VCL: variants seen among roughly 807,000 people sequenced by gnomAD.
VCL encodes epididymis luminal protein 114.
In VCL, 47 loss-of-function variants were observed where a neutral mutation model predicts 125.7. The observed-to-expected ratio is 0.37, with a 90% CI of 0.30 to 0.48. VCL has a LOEUF of 0.48. Ranked by LOEUF, VCL falls within the 20% of genes least tolerant of loss-of-function variation. The pLI, the probability that VCL is intolerant of heterozygous loss-of-function variation, is 0.99. For missense variants in VCL, 1,069 were observed against 1,455.5 expected (o/e 0.73, Z 4.32); for synonymous variants, 458 against 514.6 (o/e 0.89, Z 1.49).
chr10:74,057,134 A>G (rs922765505), intron 2 of VCL, among the ~76,000 whole-genome samples: 2 of 151,980 alleles, frequency 1.3e-5, no homozygotes, highest in Non-Finnish European at 2.9e-5. Context: ...TCGTAGAGAT[A>G]GGGTCTCGCT....
Position 74,118,013 on chromosome 10 carries a change from T to C in VCL, c.3259-10T>C, listed in dbSNP as rs1337545270. ...ACCCTGGGTAACGGAAAGTACCTTT[T>C]TCCTTGCAGGCCACAGAGATGCTGG... On this transcript the variant is annotated splice_polypyrimidine_tract_variant and intron_variant, in intron 21 of 21. Transcript: ENST00000211998. 4 of 1,613,838 alleles carry C rather than the reference T, an allele frequency of 2.5e-6. No homozygotes were observed. Among genetic ancestry groups the C allele is most frequent in the Non-Finnish European group, 3.4e-6 (4 of 1,180,024 alleles).
chr10:74,106,185 G>C (rs1030426425), intron 16 of VCL, among the ~76,000 whole-genome samples: 6 of 152,124 alleles, frequency 3.9e-5, no homozygotes, highest in Non-Finnish European at 8.8e-5. Flanking sequence ...GCCTCCCAAA[G>C]TGCTGGGATT....
rs567469304 is a variant in VCL at position 74,078,259 on chromosome 10, G to A, written c.783+3356G>A. On this transcript the variant is annotated intron_variant, in intron 6 of 21. Coordinates refer to ENST00000211998, the MANE Select transcript of VCL (RefSeq NM_014000.3). ...CCTGTGGTGGGTCTCTCCCCACTGTGGTCCTGGGCTGGTGGTGGGTAAAAG... is the reference window on the plus strand; with the variant it reads ...CCTGTGGTGGGTCTCTCCCCACTGTAGTCCTGGGCTGGTGGTGGGTAAAAG... Among the ~76,000 whole-genome samples, 6 of 152,258 alleles carry A rather than the reference G, an allele frequency of 3.9e-5. No individual in the cohort carries two copies. The South Asian group carries it at 1.2e-3, about 32-fold the overall frequency.
chr10:74,021,556 CT>C (rs1408199343), intron 1 of VCL, among the ~76,000 whole-genome samples: 12 of 152,324 alleles, frequency 7.9e-5, no homozygotes, highest in Non-Finnish European at 7.4e-5. Context: ...AATAAACCAT[CT>C]CTGGAACTAC....
chr10:74,070,591 C>T, intron 2 of VCL, 79 bp from the exon 3 acceptor site: 1 of 1,586,610 alleles, frequency 6.3e-7, no homozygotes, highest in Non-Finnish European at 8.6e-7. Flanking sequence ...AATTTACATG[C>T]ATATTCTCTC....
rs531818080 is a variant in VCL, at chr10:74,083,985, A to G, written c.1022+472A>G. Among the ~76,000 whole-genome samples the G allele has an allele frequency of 7.8e-4, 113 of 145,164 alleles. No individual in the cohort carries two copies. The South Asian group carries it at 0.01, about 13-fold the overall frequency. Reference sequence around the variant, plus strand: ...GTGGTTCAAGCAGTTCTCTGCCTCAACCTCCCGAGTAGCTGGGATTATAGG... The same window carrying G: ...GTGGTTCAAGCAGTTCTCTGCCTCAGCCTCCCGAGTAGCTGGGATTATAGG... On this transcript the variant is annotated intron_variant, in intron 8 of 21. Transcript: ENST00000211998.
At chr10:74,047,453 C>T (rs1275228574) in intron 2 of VCL, among the ~76,000 whole-genome samples, 1 of 152,152 alleles carries the variant, frequency 6.6e-6, no homozygotes, top group Non-Finnish European at 1.5e-5. Context: ...TAATGACATC[C>T]TTGGAACTAT....
At chr10:74,057,672 T>G (rs1841411984) in intron 2 of VCL, among the ~76,000 whole-genome samples, 1 of 152,128 alleles carries the variant, frequency 6.6e-6, no homozygotes, top group Non-Finnish European at 1.5e-5. Context: ...GTGGCTCACG[T>G]TGTAATCCCA....
chr10:74,058,588 CTTTT>C (rs758790142), intron 2 of VCL, among the ~76,000 whole-genome samples: 1 of 143,122 alleles, frequency 7.0e-6, no homozygotes. Flanking sequence ...TCCTCCCCAA[CTTTT>C]TTTTTTTTTT....
chr10:74,114,531 G>T (rs771520389), intron 20 of VCL, 144 bp downstream of exon 20: 160 of 1,084,894 alleles, frequency 1.5e-4, no homozygotes, highest in Non-Finnish European at 2.0e-4. Flanking sequence ...ACCGGGGACA[G>T]AAATAGCAGA....
chr10:74,027,241 A>G (rs938578950), intron 1 of VCL, among the ~76,000 whole-genome samples: 2 of 151,994 alleles, frequency 1.3e-5, no homozygotes, highest in Non-Finnish European at 2.9e-5. Context: ...CATATGCAAG[A>G]GATAGGACAG....
intron 8 of VCL, among the ~76,000 whole-genome samples, chr10:74,088,582 A>G (rs1328866904): frequency 6.6e-6 from 1 of 152,184 alleles, no homozygotes; most frequent in Non-Finnish European, 1.5e-5. Flanking sequence ...ACTCCATAAG[A>G]TAAGTGGGGA....
intron 2 of VCL, among the ~76,000 whole-genome samples, 193 bp downstream of exon 2, chr10:74,043,346 T>G (rs1196209039): frequency 7.2e-6 from 1 of 139,664 alleles, no homozygotes; most frequent in African/African-American, 2.5e-5. Context: ...ATTTTTGACA[T>G]AATAATTTTT....
At chr10:74,038,372 A>G (rs1325663293) in intron 1 of VCL, among the ~76,000 whole-genome samples, 1 of 152,234 alleles carries the variant, frequency 6.6e-6, no homozygotes, top group African/African-American at 2.4e-5. Flanking sequence ...CAGATTAAAT[A>G]GAATATTTCC....
Position 74,097,913 on chromosome 10 carries a change from G to C in VCL, c.1872+581G>C, listed in dbSNP as rs1392555760. 6.6e-6 allele frequency among the ~76,000 whole-genome samples: 1 copy of C among 152,160 alleles called. No homozygotes were observed. The highest frequency in any genetic ancestry group is 1.9e-4 in the East Asian group (1 of 5,204). On this transcript the variant is annotated intron_variant, in intron 13 of 21. Coordinates refer to ENST00000211998, the MANE Select transcript of VCL (RefSeq NM_014000.3). This position sits in a 1 kb window ranked among gnomAD's most constrained non-coding sequence, Gnocchi z 4.1. ...ACTCTCCAGGAAAACGAAAAACCTT[G>C]ATTTGTAATGTTTGTTGATTTCCAT... is the stretch of plus-strand genomic sequence containing the variant.
At chr10:74,001,417 G>A (rs889852072) in intron 1 of VCL, among the ~76,000 whole-genome samples, 1 of 152,084 alleles carries the variant, frequency 6.6e-6, no homozygotes, top group Admixed American at 6.6e-5. Context: ...CTCCCGCCTT[G>A]GCCTCTCAAA....
Position 74,097,150 on chromosome 10 carries a change from G to A in VCL, c.1744-54G>A. The A allele has an allele frequency of 6.2e-7, 1 of 1,603,404 alleles. No homozygotes were observed. Among genetic ancestry groups the A allele is most frequent in the Non-Finnish European group, 8.5e-7 (1 of 1,175,204 alleles). Reference sequence around the variant, plus strand: ...TGTCAGTGAAGTAAGGGCATTAGTAGATATGCTTTGAGGATGTATCTGGAC... The same window carrying A: ...TGTCAGTGAAGTAAGGGCATTAGTAAATATGCTTTGAGGATGTATCTGGAC... On this transcript the variant is annotated intron_variant, in intron 12 of 21. Transcript: ENST00000211998. The surrounding 1 kb of genome is among the most constrained non-coding windows in gnomAD (Gnocchi z 4.1).
At chr10:74,011,582 G>A (rs984105052) in intron 1 of VCL, among the ~76,000 whole-genome samples, 1 of 152,094 alleles carries the variant, frequency 6.6e-6, no homozygotes, top group African/African-American at 2.4e-5. Context: ...TAATATACCA[G>A]CTAGTCATTT....
At chr10:74,089,678 T>G (rs1454925789) in intron 9 of VCL, among the ~76,000 whole-genome samples, 1 of 152,172 alleles carries the variant, frequency 6.6e-6, no homozygotes, top group Non-Finnish European at 1.5e-5. Context: ...ATTGTAATGT[T>G]TAGGGGTTAA....
Sources: allele counts gnomAD v4.1 joint callset (sites outside exome capture counted in the v4.1 genomes callset), GRCh38; gene constraint gnomAD v4.1.1; non-coding constraint Gnocchi (gnomAD v3.1); transcripts MANE v1.5; gene names NCBI Gene and HGNC (gene_info 2026-07-23, HGNC 2026-07-21).